The following MSH6 variants were observed in gnomAD, a reference collection of about 807,000 sequenced individuals.
MSH6 encodes mutS homolog 6.
Under a neutral mutation model 119.1 loss-of-function variants are expected in MSH6, and 85 were observed. That is an observed-to-expected ratio of 0.71 (90% confidence interval 0.60 to 0.85). MSH6 has a LOEUF of 0.85. Among genes scored for constraint, MSH6 ranks in the 40% least tolerant of loss-of-function variants. The pLI, the probability that MSH6 is intolerant of heterozygous loss-of-function variation, is 0.00. For synonymous variants in MSH6, 830 were observed against 586.9 expected (o/e 1.41, Z -5.99); for missense variants, 2,163 against 1,655.3 (o/e 1.31, Z -5.32).
chr2:47,788,934 T>TTTTTTTTTTTTTTTTTTTTTTTTTTG (rs1668554089), intron 1 of MSH6, among the ~76,000 whole-genome samples: 1 of 99,650 alleles, frequency 1.0e-5, no homozygotes, highest in Non-Finnish European at 2.0e-5. Flanking sequence ...TTTTTTTTTT[T>TTTTTTTTTTTTTTTTTTTTTTTTTTG]TTTTTTTTTT....
chr2:47,810,085 A>AT (rs1254821958), downstream of MSH6: 14 of 502,372 alleles, frequency 2.8e-5, no homozygotes, highest in Admixed American at 7.6e-5. Context: ...ATCCCAATAA[A>AT]TGTTTCATAA....
Position 47,788,447 on chromosome 2 carries a change from G to C in MSH6, c.261-2480G>C, listed in dbSNP as rs1260887717. 6.0e-5 allele frequency among the ~76,000 whole-genome samples: 9 copies of C among 149,342 alleles called. No homozygotes were observed. In the East Asian group the frequency reaches 1.8e-3, roughly 29 times the overall value. ...TTTTTATTTTTTTAGTAGAGATGGG[G>C]TTTCACCATGTTGGCCAGGCCAGTC... On this transcript the variant is annotated intron_variant, in intron 1 of 9. Transcript: ENST00000234420.
At chr2:47,789,854 G>GCT (rs1668623915) in intron 1 of MSH6, among the ~76,000 whole-genome samples, 1 of 150,878 alleles carries the variant, frequency 6.6e-6, no homozygotes, top group Non-Finnish European at 1.5e-5. Flanking sequence ...ACAGAGTCTT[G>GCT]CTCTGTTGCC....
chr2:47,800,959 A>T lies in MSH6; in HGVS notation c.2976A>T (p.Glu992Asp), dbSNP rs761938225. The stretch of plus-strand genomic sequence containing the variant: ...ATTTCACCACTCGCAATTTGCCAGA[A>T]GAATACGAGTTGAAATCTACCAAGA... ...PENFTTRNLP[E>D]EYELKSTKKG... Residue 992 changes from glutamate (E) to aspartate (D), a missense_variant, in exon 4 of 10, where the codon GAA (glutamate) becomes GAT (aspartate). By Grantham distance (45) the Glu-to-Asp change is conservative. Coordinates refer to ENST00000234420, the MANE Select transcript of MSH6 (RefSeq NM_000179.3). 6.4e-7 allele frequency: 1 copy of T among 1,566,210 alleles called. No individual in the cohort carries two copies. Among genetic ancestry groups the T allele is most frequent in the South Asian group, 1.2e-5 (1 of 82,194 alleles).
At chr2:47,804,706 C>T (rs1669849496) in intron 5 of MSH6, among the ~76,000 whole-genome samples, 1 of 152,138 alleles carries the variant, frequency 6.6e-6, no homozygotes, top group Non-Finnish European at 1.5e-5. Flanking sequence ...TTTTAAAGGC[C>T]AGGTGAGGCC....
In MSH6 at chr2:47,806,889, C is replaced by A. The variant is rs1670236131; in HGVS notation, c.*29C>A. 1 of 1,516,372 alleles carries A rather than the reference C, an allele frequency of 6.6e-7. No individual in the cohort carries two copies. The highest frequency in any genetic ancestry group is 2.3e-5 in the East Asian group (1 of 44,350). The allele number at this position is 1,516,372 out of a possible 1,614,324, so 93.9% of individuals were successfully genotyped here. ...GACTACATTGGAAGCTTTGAGTTGACTTCTGACAAAGGTGGTAAATTCAGA... is the reference window on the plus strand; with the variant it reads ...GACTACATTGGAAGCTTTGAGTTGAATTCTGACAAAGGTGGTAAATTCAGA... On this transcript the variant is annotated 3_prime_UTR_variant, in exon 10 of 10. Transcript: ENST00000234420.
chr2:47,783,856 G>A, intron 1 of MSH6: 1 of 952,700 alleles, frequency 1.0e-6, no homozygotes, highest in Non-Finnish European at 1.3e-6. Context: ...GGAGCACTGG[G>A]GGTGGGGCGA....
chr2:47,802,506 T>G (rs1263444459), intron 4 of MSH6, among the ~76,000 whole-genome samples: 1 of 151,952 alleles, frequency 6.6e-6, no homozygotes. Context: ...AATTTTTGTA[T>G]TTTTGGTAGA....
chr2:47,804,222 T>G (rs1669806945), intron 5 of MSH6, among the ~76,000 whole-genome samples: 1 of 151,986 alleles, frequency 6.6e-6, no homozygotes, highest in African/African-American at 2.4e-5. Context: ...CCCTTCCTCC[T>G]GCCTCAGCCT....
intron 2 of MSH6, among the ~76,000 whole-genome samples, chr2:47,792,789 C>A (rs1308250905): frequency 6.6e-6 from 1 of 151,740 alleles, no homozygotes; most frequent in Admixed American, 6.6e-5. Context: ...CTGTTTTAGC[C>A]TCCTCAGTAA....
At chr2:47,790,734 T>G (rs1055771838) in intron 1 of MSH6, among the ~76,000 whole-genome samples, 193 bp from the exon 2 acceptor site, 2 of 152,356 alleles carry the variant, frequency 1.3e-5, no homozygotes, top group Admixed American at 6.5e-5. Flanking sequence ...GTCTTCATAG[T>G]TAAATATGCA....
At chr2:47,801,884 A>G (rs182537035) in intron 4 of MSH6, among the ~76,000 whole-genome samples, 9 of 152,206 alleles carry the variant, frequency 5.9e-5, no homozygotes, top group Admixed American at 5.9e-4. Context: ...CCTGGCCTCA[A>G]GTGATCCTCC....
At position 47,783,495 on chromosome 2, in the gene MSH6, T is replaced by A. The variant is rs1553408469; in HGVS notation, c.260+2T>A. 13 of 1,413,488 alleles carry A rather than the reference T, an allele frequency of 9.2e-6. No homozygotes were observed. Among genetic ancestry groups the A allele is most frequent in the Non-Finnish European group, 1.2e-5 (13 of 1,082,652 alleles). The allele number at this position is 1,413,488 out of a possible 1,614,324, so 87.6% of individuals were successfully genotyped here. On this transcript the variant is annotated splice_donor_variant, in intron 1 of 9. Coordinates refer to ENST00000234420, the MANE Select transcript of MSH6 (RefSeq NM_000179.3). LOFTEE classifies it high-confidence loss of function. ...GGTAGCGCCTGCTGCCCCCACCAGG[T>A]AGCGGGGTGGGGGTGGGGTCGAAGG...
chr2:47,806,731 A>T (rs756091399), intron 9 of MSH6, 48 bp from the exon 10 acceptor site: 3 of 1,549,454 alleles, frequency 1.9e-6, no homozygotes, highest in East Asian at 4.7e-5. Flanking sequence ...GGGATGATGC[A>T]CTATGAAAAA....
chr2:47,784,138 T>C (rs951557593), intron 1 of MSH6: 28 of 994,124 alleles, frequency 2.8e-5, no homozygotes, highest in Admixed American at 6.3e-5. Flanking sequence ...GGCCACGAGC[T>C]GCGAGCGCGG....
downstream of MSH6, chr2:47,807,989 C>G (rs1670343225): frequency 8.5e-6 from 7 of 825,224 alleles, no homozygotes; most frequent in East Asian, 1.7e-4. Context: ...ATAGTGTCAA[C>G]TGACCTTGTG....
Position 47,799,850 on chromosome 2 carries a change from C to G in MSH6, c.1867C>G (p.Pro623Ala), listed in dbSNP as rs3136334. 5.8e-5 allele frequency: 94 copies of G among 1,614,162 alleles called. No homozygotes were observed. In the African/African-American group the frequency reaches 1.1e-3, roughly 19 times the overall value. ...CTGTTCTCTTCAGGAAGGTCTGATA[C>G]CCGGCTCCCAGTTTTGGGATGCATC... ...LSCSLQEGLIPGSQFWDASKT... is the reference protein window; with the variant it reads ...LSCSLQEGLIAGSQFWDASKT... Residue 623 changes from proline to alanine, a missense_variant, in exon 4 of 10, where the codon CCC (proline) becomes GCC (alanine). Transcript: ENST00000234420.
At chr2:47,795,780 T>A in intron 2 of MSH6, 114 bp from the exon 3 acceptor site, 1 of 901,982 alleles carries the variant, frequency 1.1e-6, no homozygotes. Flanking sequence ...ATATATATAT[T>A]TTAAGATAGA....
At chr2:47,807,602 G>A, downstream of MSH6, 1 of 217,386 alleles carries the variant, frequency 4.6e-6, no homozygotes, top group Non-Finnish European at 9.3e-6. Context: ...GATTTTGCTT[G>A]AAATTAAAAA....
Sources: allele counts gnomAD v4.1 joint callset (sites outside exome capture counted in the v4.1 genomes callset), GRCh38; gene constraint gnomAD v4.1.1; transcripts MANE v1.5; gene names NCBI Gene and HGNC (gene_info 2026-07-23, HGNC 2026-07-21).